Variants in ARHGEF18 observed in about 807,000 individuals in gnomAD.
ARHGEF18 encodes Rho/Rac guanine nucleotide exchange factor 18.
A neutral mutation model predicts 155.7 loss-of-function variants in ARHGEF18; 93 were observed. That is an observed-to-expected ratio of 0.60 (90% CI 0.50 to 0.71). The LOEUF is 0.71. Ranked by LOEUF, ARHGEF18 falls within the 30% of genes least tolerant of loss-of-function variation. The pLI is 0.00. For synonymous variants in ARHGEF18, 742 were observed against 753.1 expected, an observed-to-expected ratio of 0.99 and a Z score of 0.24; for missense variants, 1,593 against 1,816.1, an observed-to-expected ratio of 0.88 and a Z score of 2.23.
rs1183079264 is a variant in ARHGEF18, at chr19:7,441,898, C to G, written c.1220-14C>G. ...CTCTGGGCCCCCAGCAGCCACACCTCGCTCTTCCCTCAGATCCCTACACCG... is the reference window on the plus strand; with the variant it reads ...CTCTGGGCCCCCAGCAGCCACACCTGGCTCTTCCCTCAGATCCCTACACCG... On this transcript the variant is annotated splice_polypyrimidine_tract_variant and intron_variant, in intron 12 of 28. Transcript: ENST00000668164. 1 of 1,613,888 alleles carries G rather than the reference C, an allele frequency of 6.2e-7. No homozygotes were observed. The highest frequency in any genetic ancestry group is 1.1e-5 in the South Asian group (1 of 91,072).
At chr19:7,369,733 G>A (rs1272844694) in intron 2 of ARHGEF18, among the ~76,000 whole-genome samples, 1 of 152,050 alleles carries the variant, frequency 6.6e-6, no homozygotes, top group Non-Finnish European at 1.5e-5. Context: ...GGAGGCAGAT[G>A]TTTCAGTGAG....
At chr19:7,452,034 G>A (rs115954562) in intron 16 of ARHGEF18, among the ~76,000 whole-genome samples, 2,817 of 152,146 alleles carry the variant, frequency 0.019, 63 homozygotes, top group African/African-American at 0.049. Context: ...GCCTGGCCTG[G>A]GGCTTTTGAT....
intron 10 of ARHGEF18, among the ~76,000 whole-genome samples, chr19:7,416,869 T>C (rs1020033193): frequency 9.2e-5 from 14 of 151,772 alleles, no homozygotes; most frequent in African/African-American, 2.7e-4. Context: ...TCCCAAAGTG[T>C]TGGGATTACA....
chr19:7,382,900 G>A lies in ARHGEF18; in HGVS notation c.825+6G>A. On this transcript the variant is annotated splice_donor_region_variant and intron_variant, in intron 9 of 28. Coordinates refer to ENST00000668164, the MANE Select transcript of ARHGEF18 (RefSeq NM_001367823.1). ...TGACCAGGCAGAAGGAGAAGGTAAG[G>A]GGAGCTAAGCCACGGGGGCCCTCCT... The A allele has an allele frequency of 8.1e-7, 1 of 1,232,510 alleles. No individual in the cohort carries two copies. The highest frequency in any genetic ancestry group is 1.0e-6 in the Non-Finnish European group (1 of 988,102). The allele number at this position is 1,232,510 out of a possible 1,614,324, so 76.3% of individuals were successfully genotyped here. A position where few individuals can be genotyped will look rare whatever the true frequency, so the allele number is the denominator to read the frequency against.
intron 7 of ARHGEF18, 126 bp downstream of exon 7, chr19:7,379,292 CT>C (rs925186836): frequency 1.2e-6 from 1 of 862,568 alleles, no homozygotes; most frequent in African/African-American, 1.8e-5. Context: ...GGTACAGTGG[CT>C]CACGCCTGTA....
At chr19:7,474,715 A>G (rs1424878663), downstream of ARHGEF18, among the ~76,000 whole-genome samples, 6 of 149,672 alleles carry the variant, frequency 4.0e-5, no homozygotes, top group East Asian at 1.2e-3. Context: ...ACACAACATA[A>G]AACTGGCCAG....
chr19:7,357,637 G>A lies in ARHGEF18; in HGVS notation c.-110-5144G>A, dbSNP rs138479778. On this transcript the variant is annotated intron_variant, in intron 1 of 28. Transcript: ENST00000668164. ...CCTGGGAGAGTGACTCCCTTACAGC[G>A]TGTCTCCTGTCATCAGCCTTGGAAA... is the stretch of plus-strand genomic sequence containing the variant. Among the ~76,000 whole-genome samples, 584 of 152,204 alleles carry A rather than the reference G, an allele frequency of 3.8e-3. 3 individuals are homozygous for A. Among genetic ancestry groups the A allele is most frequent in the African/African-American group, 0.012 (508 of 41,522 alleles).
At chr19:7,405,723 G>A (rs769422328) in intron 10 of ARHGEF18, among the ~76,000 whole-genome samples, 1 of 152,054 alleles carries the variant, frequency 6.6e-6, no homozygotes, top group African/African-American at 2.4e-5. Flanking sequence ...CAATCCTCCC[G>A]CCTCAGCCTC....
At chr19:7,449,813 G>T (rs185214000) in intron 15 of ARHGEF18, among the ~76,000 whole-genome samples, 1 of 152,172 alleles carries the variant, frequency 6.6e-6, no homozygotes, top group African/African-American at 2.4e-5. Flanking sequence ...GAATAGCTGG[G>T]ACTACAGGAG....
At chr19:7,457,440 G>A (rs1975915953) in intron 18 of ARHGEF18, among the ~76,000 whole-genome samples, 1 of 131,186 alleles carries the variant, frequency 7.6e-6, no homozygotes, top group African/African-American at 3.0e-5. Context: ...TCGACTCACT[G>A]CAACCTCCAC....
In ARHGEF18 at chr19:7,425,511, G is replaced by A. The variant is rs138206621; in HGVS notation, c.968-14833G>A. Among the ~76,000 whole-genome samples, 1,326 of 151,476 alleles carry A rather than the reference G, an allele frequency of 8.8e-3. 16 individuals carry two copies. The highest frequency in any genetic ancestry group is 0.017 in the African/African-American group (710 of 41,294). ...AGCCTGGCCAACATGGTGACACCCC[G>A]TCTCTACTAAAAATACAAAAATTAG... On this transcript the variant is annotated intron_variant, in intron 10 of 28. Transcript: ENST00000668164.
intron 10 of ARHGEF18, among the ~76,000 whole-genome samples, chr19:7,398,111 C>T (rs1372707106): frequency 2.0e-5 from 3 of 151,750 alleles, no homozygotes; most frequent in Non-Finnish European, 2.9e-5. Context: ...CTCGCTCTGG[C>T]GCCCAGGCTG....
chr19:7,391,976 C>T (rs896859742), intron 10 of ARHGEF18, among the ~76,000 whole-genome samples: 6 of 152,252 alleles, frequency 3.9e-5, no homozygotes, highest in African/African-American at 9.6e-5. Context: ...TGTGGTGGCT[C>T]ACGCCTGTAA....
At chr19:7,445,693 C>T (rs1323591318) in intron 14 of ARHGEF18, among the ~76,000 whole-genome samples, 1 of 152,146 alleles carries the variant, frequency 6.6e-6, no homozygotes, top group African/African-American at 2.4e-5. Context: ...AATGTCGGCT[C>T]ACTGCAACCT....
In ARHGEF18 at chr19:7,470,394, T is replaced by A. The variant is rs1217858483; in HGVS notation, c.*96T>A. On this transcript the variant is annotated 3_prime_UTR_variant, in exon 29 of 29. Transcript: ENST00000668164. The surrounding 1 kb of genome is among the most constrained non-coding windows in gnomAD (Gnocchi z 5.9). The stretch of plus-strand genomic sequence containing the variant: ...TGGGGTCACCATGCCCACCCAGCTG[T>A]CCCCTCCTCTTCCCTAGCAAACCAC... 1 of 1,157,832 alleles carries A rather than the reference T, an allele frequency of 8.6e-7. No homozygotes were observed. Among genetic ancestry groups the A allele is most frequent in the Non-Finnish European group, 1.1e-6 (1 of 903,446 alleles). The allele number at this position is 1,157,832 out of a possible 1,614,324, so 71.7% of individuals were successfully genotyped here.
At chr19:7,380,616 C>T (rs992908685) in intron 7 of ARHGEF18, among the ~76,000 whole-genome samples, 3 of 150,722 alleles carry the variant, frequency 2.0e-5, no homozygotes, top group Non-Finnish European at 2.9e-5. Context: ...CCCCGGAGGT[C>T]GAGGCTGCAG....
intron 23 of ARHGEF18, among the ~76,000 whole-genome samples, chr19:7,465,663 C>T (rs1976566347): frequency 6.6e-6 from 1 of 152,174 alleles, no homozygotes; most frequent in South Asian, 2.1e-4. Flanking sequence ...CCTGCCTGGG[C>T]CTCCCAAAGT....
rs762758574 is a variant in ARHGEF18, at chr19:7,440,422, T to G, written c.1046T>G (p.Val349Gly). 9 of 1,604,172 alleles carry G rather than the reference T, an allele frequency of 5.6e-6. No individual in the cohort carries two copies. In the Admixed American group the frequency reaches 1.5e-4, roughly 27 times the overall value. The change falls in exon 11 of 29, where the codon GTC becomes GGC. Residue 349 changes from valine to glycine, a missense_variant. Transcript: ENST00000668164. The surrounding 1 kb of genome is among the most constrained non-coding windows in gnomAD (Gnocchi z 5.4). ...CTGTCCAGGAATGTCGGTATGACGG[T>G]CTCTCAGAAAGGGGGTCCCCAGCCA... is the stretch of plus-strand genomic sequence containing the variant. Reference protein sequence around the residue: ...PALSRNVGMTVSQKGGPQPTP... With the variant: ...PALSRNVGMTGSQKGGPQPTP...
rs1976648765 is a variant in ARHGEF18 at position 7,466,836 on chromosome 19, A to AGAAG, written c.2905-82_2905-81insGAAG. On this transcript the variant is annotated intron_variant, in intron 23 of 28. Transcript: ENST00000668164. ...AAAAAAAAAAAAAAAAGTTAAAAAAAAAGAAGAAGAAGAAGAAGGCTTGAG... is the reference window on the plus strand; with the variant it reads ...AAAAAAAAAAAAAAAAGTTAAAAAAAGAAGAAGAAGAAGAAGAAGAAGGCTTGAG... 1.1e-5 allele frequency: 12 copies of AGAAG among 1,094,850 alleles called. 1 individual carries two copies. The African/African-American group carries it at 1.2e-4, about 11-fold the overall frequency. The allele number at this position is 1,094,850 out of a possible 1,614,324, so 67.8% of individuals were successfully genotyped here.
Sources: gnomAD v4.1 joint callset for allele counts (sites outside exome capture counted in the v4.1 genomes callset) on GRCh38, gnomAD v4.1.1 for gene constraint, Gnocchi (gnomAD v3.1) non-coding constraint, MANE v1.5 for transcripts, NCBI Gene and HGNC (gene_info 2026-07-23, HGNC 2026-07-21) for gene names.